The following PDCD11 variants were observed in gnomAD, a reference collection of about 807,000 sequenced individuals.
The protein encoded by PDCD11 is programmed cell death 11, also known as protein RRP5 homolog.
A neutral mutation model predicts 198.9 loss-of-function variants in PDCD11; 97 were observed. The observed-to-expected ratio is 0.49, with a 90% CI of 0.41 to 0.58. The LOEUF (loss-of-function observed/expected upper bound fraction) is 0.58. PDCD11 is among the 20% of genes least tolerant of loss of function. The probability of loss-of-function intolerance (pLI) is 0.00; values close to 1 mark genes in which losing one functional copy is unlikely to be tolerated. For synonymous variants in PDCD11, 893 were observed against 918.0 expected, an observed-to-expected ratio of 0.97 and a Z score of 0.49; for missense variants, 2,102 against 2,312.7, an observed-to-expected ratio of 0.91 and a Z score of 1.87.
intron 8 of PDCD11, 68 bp downstream of exon 8, chr10:103,409,874 T>G: frequency 1.7e-6 from 2 of 1,145,206 alleles, no homozygotes; most frequent in Non-Finnish European, 2.7e-6. Context: ...GTATCACAGC[T>G]AGCTACAGGG....
chr10:103,432,049 G>C, intron 21 of PDCD11, 80 bp from the exon 22 acceptor site: 1 of 1,057,902 alleles, frequency 9.5e-7, no homozygotes, highest in Non-Finnish European at 1.5e-6. Context: ...TCAATCCGTG[G>C]CCACTTGGGA....
rs750192422 is a variant in PDCD11 at position 103,445,590 on chromosome 10, G to C, written c.*41G>C. On this transcript the variant is annotated 3_prime_UTR_variant, in exon 36 of 36. Coordinates refer to ENST00000369797, the MANE Select transcript of PDCD11 (RefSeq NM_014976.2). ...GTGGGACACTGTCAACAATGGGCCA[G>C]CCCGGCCCCGCCTCGAGTGCCTGGG... 6.4e-7 allele frequency: 1 copy of C among 1,561,382 alleles called. No homozygotes were observed. Among genetic ancestry groups the C allele is most frequent in the South Asian group, 1.1e-5 (1 of 87,736 alleles).
intron 8 of PDCD11, among the ~76,000 whole-genome samples, chr10:103,410,660 G>A (rs1350237605): frequency 6.8e-6 from 1 of 147,894 alleles, no homozygotes; most frequent in Admixed American, 6.8e-5. Flanking sequence ...CCAGGCTGGA[G>A]TGCAGTGGCG....
chr10:103,415,296 T>C (rs936481704), intron 12 of PDCD11, 145 bp downstream of exon 12: 7 of 769,570 alleles, frequency 9.1e-6, no homozygotes, highest in Non-Finnish European at 1.5e-5. Flanking sequence ...AAGAGAAAAG[T>C]GAGTCCCCGT....
intron 21 of PDCD11, among the ~76,000 whole-genome samples, chr10:103,430,256 G>A (rs1437549240): frequency 6.6e-6 from 1 of 152,160 alleles, no homozygotes; most frequent in African/African-American, 2.4e-5. Flanking sequence ...GCCTCCCAAA[G>A]TGCTGAGATT....
intron 16 of PDCD11, among the ~76,000 whole-genome samples, chr10:103,420,779 A>T (rs1032221779): frequency 6.6e-6 from 1 of 152,068 alleles, no homozygotes; most frequent in East Asian, 1.9e-4. Flanking sequence ...GGGTGAGGAC[A>T]GCCCTGGTGT....
At chr10:103,421,819 T>G (rs1204465415) in intron 17 of PDCD11, among the ~76,000 whole-genome samples, 1 of 145,856 alleles carries the variant, frequency 6.9e-6, no homozygotes. Flanking sequence ...AAAAAAAAAT[T>G]AGCCGGGCGC....
chr10:103,430,665 C>T (rs1203524135), intron 21 of PDCD11, among the ~76,000 whole-genome samples: 1 of 150,710 alleles, frequency 6.6e-6, no homozygotes, highest in Non-Finnish European at 1.5e-5. Flanking sequence ...AGTGGCCATC[C>T]TGCCGGGGTA....
chr10:103,413,894 TA>T (rs2030946697), intron 9 of PDCD11, 71 bp from the exon 10 acceptor site: 1 of 1,438,846 alleles, frequency 7.0e-7, no homozygotes, highest in East Asian at 2.3e-5. Context: ...GAGTCCTCTC[TA>T]TGGGCTGTAA....
chr10:103,438,845 C>T (rs774138554), intron 27 of PDCD11, 37 bp downstream of exon 27: 2 of 1,611,432 alleles, frequency 1.2e-6, no homozygotes, highest in Non-Finnish European at 1.7e-6. Context: ...ACCCAAGTGC[C>T]TTCCCTGAGC....
rs1220595334 is a variant in PDCD11, at chr10:103,445,544, G to A, written c.5611G>A (p.Asp1871Asn). The change falls in exon 36 of 36, where the codon GAC becomes AAC. Residue 1871 changes from aspartate (D) to asparagine (N), a missense_variant. Coordinates refer to ENST00000369797, the MANE Select transcript of PDCD11 (RefSeq NM_014976.2). ...YVEAKSSVLE[D>N] ...GGAGGCCAAGAGCTCAGTGCTAGAG[G>A]ACTAGTGGCAGGCTGGCTCTGTGGG... 6.2e-7 allele frequency: 1 copy of A among 1,613,146 alleles called. No homozygotes were observed. The highest frequency in any genetic ancestry group is 1.7e-5 in the Admixed American group (1 of 60,002).
chr10:103,426,998 A>G (rs2031725555), intron 20 of PDCD11, among the ~76,000 whole-genome samples: 1 of 151,960 alleles, frequency 6.6e-6, no homozygotes, highest in South Asian at 2.1e-4. Flanking sequence ...AGTCCCAGCT[A>G]CTTGGGAGGC....
intron 23 of PDCD11, 37 bp downstream of exon 23, chr10:103,434,074 G>T: frequency 6.5e-7 from 1 of 1,543,884 alleles, no homozygotes; most frequent in Non-Finnish European, 9.0e-7. Context: ...GGGGACCCAA[G>T]TTCCCTAAGC....
chr10:103,401,451 A>G (rs887423317), intron 3 of PDCD11, among the ~76,000 whole-genome samples: 3 of 151,360 alleles, frequency 2.0e-5, no homozygotes, highest in Non-Finnish European at 4.4e-5. Flanking sequence ...TTGTATTTTT[A>G]ATAGAGACGG....
At chr10:103,401,000 C>T (rs556709478) in intron 3 of PDCD11, among the ~76,000 whole-genome samples, 1 of 152,304 alleles carries the variant, frequency 6.6e-6, no homozygotes, top group East Asian at 1.9e-4. Context: ...AGCAATCCTC[C>T]TGCCTCAACC....
At position 103,434,960 on chromosome 10, in the gene PDCD11, C is replaced by T. The variant is rs763430259; in HGVS notation, c.3830C>T (p.Pro1277Leu). 21 of 1,565,588 alleles carry T rather than the reference C, an allele frequency of 1.3e-5. No individual in the cohort carries two copies. The highest frequency in any genetic ancestry group is 1.7e-4 in the Middle Eastern group (1 of 5,954). ...GAGACGCCCCTGGAAGACTTCGTCCCCCAGAAGGTTGTCAGGTAAGCGAAG... is the reference window on the plus strand; with the variant it reads ...GAGACGCCCCTGGAAGACTTCGTCCTCCAGAAGGTTGTCAGGTAAGCGAAG... ...YSETPLEDFV[P>L]QKVVRCYILS... is the part of the protein sequence containing the mutation. The change falls in exon 25 of 36, where the codon CCC becomes CTC. Residue 1277 changes from proline (P) to leucine (L), a missense_variant. Physicochemically the swap from Pro to Leu is moderately conservative, Grantham distance 98. Coordinates refer to ENST00000369797, the MANE Select transcript of PDCD11 (RefSeq NM_014976.2).
chr10:103,413,840 A>T, intron 9 of PDCD11, 126 bp from the exon 10 acceptor site: 1 of 896,894 alleles, frequency 1.1e-6, no homozygotes, highest in Non-Finnish European at 1.6e-6. Flanking sequence ...GAATTACTTA[A>T]CCAGGCAATC....
Position 103,421,517 on chromosome 10 carries a change from A to G in PDCD11, c.2447A>G (p.Asn816Ser), listed in dbSNP as rs1320982317. 1.9e-6 allele frequency: 3 copies of G among 1,584,272 alleles called. No homozygotes were observed. The African/African-American group carries it at 4.0e-5, about 21-fold the overall frequency. ...GCTATCACCAGCCTCCTCCTCCTGAATCAGTGCCTGGAGGAGCTGCAGGGC... is the reference window on the plus strand; with the variant it reads ...GCTATCACCAGCCTCCTCCTCCTGAGTCAGTGCCTGGAGGAGCTGCAGGGC... Reference protein sequence around the residue: ...DLAITSLLLLNQCLEELQGVR... With the variant: ...DLAITSLLLLSQCLEELQGVR... The change falls in exon 17 of 36, where the codon AAT (asparagine) becomes AGT (serine). Residue 816 changes from asparagine to serine, a missense_variant. Asn to Ser is a conservative substitution (Grantham distance 46, BLOSUM62 1). Coordinates refer to ENST00000369797, the MANE Select transcript of PDCD11 (RefSeq NM_014976.2).
Position 103,418,353 on chromosome 10 carries a change from T to C in PDCD11, c.1912-87T>C, listed in dbSNP as rs1435834537. ...TCTTAGAGATCCTTGGTGCCGGAGT[T>C]TAATGCCTCCAAGCCCTGCCTAATC... On this transcript the variant is annotated intron_variant, in intron 14 of 35. Coordinates refer to ENST00000369797, the MANE Select transcript of PDCD11 (RefSeq NM_014976.2). The C allele has an allele frequency of 3.9e-4, 422 of 1,087,158 alleles. 3 individuals are homozygous for C. The highest frequency in any genetic ancestry group is 1.5e-5 in the Non-Finnish European group (11 of 737,062). 67.3% of individuals were successfully genotyped at this position (1,087,158 alleles called of 1,614,324 possible).
Sources: gnomAD v4.1 joint callset for allele counts (sites outside exome capture counted in the v4.1 genomes callset) on GRCh38, gnomAD v4.1.1 for gene constraint, MANE v1.5 for transcripts, NCBI Gene and HGNC (gene_info 2026-07-23, HGNC 2026-07-21) for gene names.